CATSPERT: variants seen among roughly 807,000 people sequenced by gnomAD.
The protein encoded by CATSPERT is catsper channel auxiliary subunit tau, also known as cation channel sperm-associated targeting subunit tau.
the CATSPERT span, among the ~76,000 whole-genome samples, chr2:201,500,439 G>T: frequency 6.6e-5 from 10 of 152,094 alleles, no homozygotes; most frequent in Non-Finnish European, 1.2e-4. Flanking sequence ...ACTTGAACCC[G>T]GGAGGTGGAG....
At chr2:201,494,334 T>C in the CATSPERT span, 2 of 1,537,226 alleles carry the variant, frequency 1.3e-6, no homozygotes, top group Non-Finnish European at 8.7e-7. Flanking sequence ...TTGATTGTTT[T>C]AAATATTCTA....
the CATSPERT span, chr2:201,553,084 G>T: frequency 6.6e-6 from 1 of 152,140 alleles, no homozygotes; most frequent in Non-Finnish European, 1.5e-5. Context: ...ATTCAAAAAT[G>T]CCTCTAATAC....
chr2:201,558,337 G>C, the CATSPERT span: 2 of 152,236 alleles, frequency 1.3e-5, no homozygotes, highest in Non-Finnish European at 2.9e-5. Flanking sequence ...GAGATGCCTG[G>C]CACTTATCAC....
the CATSPERT span, among the ~76,000 whole-genome samples, chr2:201,579,551 T>C: frequency 6.6e-6 from 1 of 152,180 alleles, no homozygotes; most frequent in East Asian, 1.9e-4. Flanking sequence ...CCCAAAGTCC[T>C]GGAATTACAG....
the CATSPERT span, among the ~76,000 whole-genome samples, chr2:201,577,414 G>T: frequency 2.0e-5 from 3 of 152,058 alleles, no homozygotes; most frequent in African/African-American, 7.2e-5. Context: ...ACATTTAAAG[G>T]GATTGAAATC....
the CATSPERT span, among the ~76,000 whole-genome samples, chr2:201,499,221 T>C: frequency 4.6e-5 from 7 of 152,252 alleles, no homozygotes; most frequent in South Asian, 1.0e-3. Flanking sequence ...CCAGCATAAA[T>C]AGAAATATTT....
chr2:201,511,870 A>C, the CATSPERT span: 4 of 130,116 alleles, frequency 3.1e-5, no homozygotes, highest in African/African-American at 1.1e-4. Context: ...AAAAAAAAAA[A>C]AAACTCTTCT....
the CATSPERT span, among the ~76,000 whole-genome samples, chr2:201,505,821 G>A: frequency 6.6e-6 from 1 of 152,066 alleles, no homozygotes; most frequent in East Asian, 1.9e-4. Context: ...TCTTAGTTTT[G>A]GCAAATGTAC....
chr2:201,539,175 T>C, the CATSPERT span, among the ~76,000 whole-genome samples: 4 of 152,196 alleles, frequency 2.6e-5, no homozygotes, highest in Non-Finnish European at 4.4e-5. Flanking sequence ...CCTTTGGGTA[T>C]ATACCCAGTA....
chr2:201,581,113 CAAATTT>C, the CATSPERT span, among the ~76,000 whole-genome samples: 2 of 151,960 alleles, frequency 1.3e-5, no homozygotes, highest in African/African-American at 4.8e-5. Context: ...CTTTTATTTG[CAAATTT>C]AAATAGCCAG....
chr2:201,599,669 C>G, the CATSPERT span, among the ~76,000 whole-genome samples: 5 of 151,992 alleles, frequency 3.3e-5, no homozygotes, highest in Admixed American at 3.3e-4. Flanking sequence ...TTAAGTCATT[C>G]TCAAACTTTC....
At chr2:201,610,059 A>C in the CATSPERT span, among the ~76,000 whole-genome samples, 2 of 152,224 alleles carry the variant, frequency 1.3e-5, no homozygotes, top group East Asian at 3.8e-4. Flanking sequence ...ACTCAGAAGA[A>C]ATGGATAAAT....
the CATSPERT span, among the ~76,000 whole-genome samples, chr2:201,585,992 A>C: frequency 1.3e-5 from 2 of 152,132 alleles, no homozygotes; most frequent in Non-Finnish European, 2.9e-5. Flanking sequence ...TTGAGACAGC[A>C]AGACCAACCT....
the CATSPERT span, chr2:201,491,670 G>A: frequency 1.4e-5 from 21 of 1,536,956 alleles, 1 homozygote; most frequent in Admixed American, 4.1e-4. Context: ...TTGGCATTCT[G>A]GCATTAGGAA....
the CATSPERT span, chr2:201,491,148 G>A: frequency 1.3e-6 from 2 of 1,504,370 alleles, no homozygotes; most frequent in Non-Finnish European, 8.8e-7. Context: ...AGAAGTAGAA[G>A]ACTTAGAAAA....
chr2:201,515,683 T>C, the CATSPERT span, among the ~76,000 whole-genome samples: 8 of 152,184 alleles, frequency 5.3e-5, no homozygotes, highest in East Asian at 3.8e-4. Flanking sequence ...TCATGTGCCA[T>C]ATAAAGACCT....
the CATSPERT span, among the ~76,000 whole-genome samples, chr2:201,544,532 C>T: frequency 7.6e-6 from 1 of 131,402 alleles, no homozygotes; most frequent in Non-Finnish European, 1.6e-5. Context: ...TCCTCTGCCA[C>T]ACTTTCTTTT....
the CATSPERT span, among the ~76,000 whole-genome samples, chr2:201,570,636 T>C: frequency 2.0e-5 from 3 of 152,298 alleles, no homozygotes; most frequent in Admixed American, 6.5e-5. Context: ...TGTGAGCCCA[T>C]GCAGTCTGGC....
chr2:201,576,047 A>G, the CATSPERT span, among the ~76,000 whole-genome samples: 4 of 152,198 alleles, frequency 2.6e-5, no homozygotes, highest in East Asian at 7.7e-4. Context: ...AAATAAATGT[A>G]TTTTTATTAT....
Sources: gnomAD v4.1 joint callset for allele counts (sites outside exome capture counted in the v4.1 genomes callset) on GRCh38, gnomAD v4.1.1 for gene constraint, MANE v1.5 for transcripts, NCBI Gene and HGNC (gene_info 2026-07-23, HGNC 2026-07-21) for gene names.